The following RPS6KA2 variants were observed in gnomAD, a reference collection of about 807,000 sequenced individuals.
RPS6KA2 encodes ribosomal protein S6 kinase alpha-2.
In RPS6KA2, 42 loss-of-function variants were observed where a neutral mutation model predicts 91.8. The observed-to-expected ratio is 0.46, with a 90% CI of 0.36 to 0.59. The LOEUF (loss-of-function observed/expected upper bound fraction) is 0.59. RPS6KA2 is among the 20% of genes least tolerant of loss of function. RPS6KA2 has a pLI of 0.00. For missense variants in RPS6KA2, 798 were observed against 978.5 expected (o/e 0.82, Z 2.46); for synonymous variants, 414 against 393.6 (o/e 1.05, Z -0.61).
intron 2 of RPS6KA2, among the ~76,000 whole-genome samples, chr6:166,839,793 C>T (rs1054387013): frequency 2.0e-5 from 3 of 149,798 alleles, no homozygotes; most frequent in African/African-American, 7.4e-5. Flanking sequence ...GAAATGGGTT[C>T]TCCCTTGGGC....
intron 2 of RPS6KA2, among the ~76,000 whole-genome samples, chr6:166,683,846 GA>G (rs1788916631): frequency 6.6e-6 from 1 of 152,238 alleles, no homozygotes; most frequent in Non-Finnish European, 1.5e-5. Flanking sequence ...AGCAGCTAGC[GA>G]GAGGTCCTTG....
At chr6:166,521,694 G>A (rs758323945) in intron 3 of RPS6KA2, among the ~76,000 whole-genome samples, 1 of 152,206 alleles carries the variant, frequency 6.6e-6, no homozygotes, top group East Asian at 1.9e-4. Flanking sequence ...GGGATCAGAG[G>A]AAACCATATG....
rs182733367 is a variant in RPS6KA2 at position 166,423,790 on chromosome 6, A to G, written c.1582-373T>C. The stretch of plus-strand genomic sequence containing the variant: ...GCATTTTAAAGATGATATTCATTCA[A>G]TAACTACTCCCTGTGTGCCCACCCC... On this transcript the variant is annotated intron_variant, in intron 16 of 20. Transcript: ENST00000265678. The surrounding 1 kb of genome is among the most constrained non-coding windows in gnomAD (Gnocchi z 4.8). 16 of 178,858 alleles carry G rather than the reference A, an allele frequency of 8.9e-5. No individual in the cohort carries two copies. The highest frequency in any genetic ancestry group is 7.8e-4 in the Admixed American group (13 of 16,712). 11.1% of individuals were successfully genotyped at this position (178,858 alleles called of 1,614,324 possible).
At chr6:166,695,991 T>A (rs1298701555) in intron 2 of RPS6KA2, among the ~76,000 whole-genome samples, 1 of 152,214 alleles carries the variant, frequency 6.6e-6, no homozygotes, top group Non-Finnish European at 1.5e-5. Context: ...GAGAATCCAA[T>A]GGCTGATGAT....
chr6:166,631,299 C>T (rs1787068125), upstream of RPS6KA2, among the ~76,000 whole-genome samples: 1 of 152,174 alleles, frequency 6.6e-6, no homozygotes, highest in Non-Finnish European at 1.5e-5. Flanking sequence ...GGTGGAAACC[C>T]ACAGGCCAGT....
intron 1 of RPS6KA2, among the ~76,000 whole-genome samples, chr6:166,859,303 G>C (rs1366632225): frequency 3.3e-5 from 5 of 152,184 alleles, no homozygotes; most frequent in Non-Finnish European, 7.4e-5. Context: ...AAATGGGTCA[G>C]CCAGACCTTG....
Position 166,662,450 on chromosome 6 carries a change from G to A in RPS6KA2, c.124-123666C>T, listed in dbSNP as rs1251159776. 6.6e-6 allele frequency among the ~76,000 whole-genome samples: 1 copy of A among 152,194 alleles called. No individual in the cohort carries two copies. The highest frequency in any genetic ancestry group is 1.5e-5 in the Non-Finnish European group (1 of 68,042). On this transcript the variant is annotated intron_variant, in intron 2 of 21. Coordinates refer to the RPS6KA2 transcript ENST00000503859. The surrounding 1 kb of genome is among the most constrained non-coding windows in gnomAD (Gnocchi z 4.3). ...ATATCTGCTTTCTTTGGGGACGTAA[G>A]AACAGCTCTGCTTGCAAATCCAATG...
At chr6:166,706,624 A>AC (rs1228241251) in intron 2 of RPS6KA2, among the ~76,000 whole-genome samples, 1 of 151,900 alleles carries the variant, frequency 6.6e-6, no homozygotes, top group Non-Finnish European at 1.5e-5. Context: ...TAGCCTGGAG[A>AC]CCCCAGACCC....
At chr6:166,689,422 A>G (rs1229986649) in intron 2 of RPS6KA2, among the ~76,000 whole-genome samples, 1 of 152,252 alleles carries the variant, frequency 6.6e-6, no homozygotes, top group Non-Finnish European at 1.5e-5. Context: ...AAGAGTAGAC[A>G]TGACCACAGT....
intron 2 of RPS6KA2, among the ~76,000 whole-genome samples, chr6:166,822,416 G>A (rs768516665): frequency 3.3e-5 from 5 of 152,220 alleles, no homozygotes; most frequent in Admixed American, 2.0e-4. Flanking sequence ...AGGTGAGGAC[G>A]CAGCAAGAGG....
intron 2 of RPS6KA2, among the ~76,000 whole-genome samples, chr6:166,762,154 G>A (rs1778190583): frequency 6.6e-6 from 1 of 152,134 alleles, no homozygotes; most frequent in South Asian, 2.1e-4. Context: ...TTCACCAAAA[G>A]GAAACTGAGG....
rs1003370411 is a variant in RPS6KA2 at position 166,679,941 on chromosome 6, G to C, written c.124-141157C>G. 6.6e-5 allele frequency among the ~76,000 whole-genome samples: 10 copies of C among 152,362 alleles called. No homozygotes were observed. The South Asian group carries it at 1.7e-3, about 25-fold the overall frequency. On this transcript the variant is annotated intron_variant, in intron 2 of 21. Coordinates refer to the RPS6KA2 transcript ENST00000503859. ...TGGACTAGGTGCCGCAAAGTCCCTC[G>C]GCAGTGCCAGTGAGAGGTGAAGCCA...
chr6:166,713,042 C>G (rs1789910865), intron 2 of RPS6KA2, among the ~76,000 whole-genome samples: 1 of 152,202 alleles, frequency 6.6e-6, no homozygotes, highest in Admixed American at 6.5e-5. Flanking sequence ...CTGGAAATGA[C>G]ACGTCTGTCC....
intron 2 of RPS6KA2, among the ~76,000 whole-genome samples, chr6:166,652,599 C>T (rs536690865): frequency 6.6e-6 from 1 of 152,210 alleles, no homozygotes; most frequent in South Asian, 2.1e-4. Context: ...CCAATGTGTA[C>T]ATTTGTCAGT....
intron 9 of RPS6KA2, among the ~76,000 whole-genome samples, chr6:166,489,438 G>A (rs1055851723): frequency 2.6e-5 from 4 of 152,060 alleles, no homozygotes; most frequent in South Asian, 4.2e-4. Context: ...TGCAAACCCC[G>A]GGAGGGTCTC....
intron 1 of RPS6KA2, among the ~76,000 whole-genome samples, chr6:166,605,105 C>T (rs770015438): frequency 3.9e-5 from 6 of 152,212 alleles, no homozygotes; most frequent in Admixed American, 3.3e-4. Context: ...CCTAGAACTG[C>T]CTCCAACCAG....
chr6:166,532,712 C>T lies in RPS6KA2; in HGVS notation c.217-1399G>A, dbSNP rs111583785. 2.6e-3 allele frequency among the ~76,000 whole-genome samples: 402 copies of T among 152,248 alleles called. 1 individual carries two copies. The highest frequency in any genetic ancestry group is 9.4e-3 in the African/African-American group (391 of 41,532). ...GTGATGAAATGCTGCCTCTCGGACC[C>T]GATTAGGTCCCAAGAAGTCACAGGC... On this transcript the variant is annotated intron_variant, in intron 2 of 20. Coordinates refer to ENST00000265678, the MANE Select transcript of RPS6KA2 (RefSeq NM_021135.6).
intron 2 of RPS6KA2, among the ~76,000 whole-genome samples, chr6:166,722,062 C>A (rs2128584983): frequency 6.6e-6 from 1 of 152,214 alleles, no homozygotes; most frequent in Non-Finnish European, 1.5e-5. Flanking sequence ...TAACCAGAAC[C>A]AAAATATAAT....
intron 2 of RPS6KA2, among the ~76,000 whole-genome samples, chr6:166,649,116 C>T (rs1187051420): frequency 1.3e-5 from 2 of 152,220 alleles, no homozygotes; most frequent in African/African-American, 4.8e-5. Context: ...ATTTGTCACA[C>T]CAGCCTCAAG....
Sources: gnomAD v4.1 joint callset for allele counts (sites outside exome capture counted in the v4.1 genomes callset) on GRCh38, gnomAD v4.1.1 for gene constraint, Gnocchi (gnomAD v3.1) non-coding constraint, MANE v1.5 for transcripts, NCBI Gene and HGNC (gene_info 2026-07-23, HGNC 2026-07-21) for gene names.